The following OSBPL5 variants were observed in gnomAD, a reference collection of about 807,000 sequenced individuals.
OSBPL5 encodes oxysterol binding protein like 5, also known as oxysterol-binding protein-related protein 5.
A neutral mutation model predicts 111.2 loss-of-function variants in OSBPL5; 71 were observed. That is an observed-to-expected ratio of 0.64 (90% confidence interval 0.53 to 0.78). The LOEUF is 0.78. OSBPL5 is among the 30% of genes least tolerant of loss of function. The pLI, the probability that OSBPL5 is intolerant of heterozygous loss-of-function variation, is 0.00. For missense variants in OSBPL5, 1,210 were observed against 1,189.3 expected, an observed-to-expected ratio of 1.02 and a Z score of -0.26; for synonymous variants, 549 against 513.9, an observed-to-expected ratio of 1.07 and a Z score of -0.93.
chr11:3,093,089 G>A, intron 17 of OSBPL5, 37 bp from the exon 18 acceptor site: 1 of 1,485,848 alleles, frequency 6.7e-7, no homozygotes, highest in Non-Finnish European at 9.0e-7. Context: ...CAGTGGCCCG[G>A]GCAGCCCGAC....
intron 1 of OSBPL5, among the ~76,000 whole-genome samples, chr11:3,149,510 C>T (rs532917636): frequency 6.6e-5 from 10 of 152,368 alleles, no homozygotes; most frequent in South Asian, 2.1e-4. Context: ...TTCCCCTGCC[C>T]ATGTGTGCCT....
chr11:3,133,899 A>C (rs1433036770), intron 1 of OSBPL5, among the ~76,000 whole-genome samples: 1 of 151,818 alleles, frequency 6.6e-6, no homozygotes, highest in Non-Finnish European at 1.5e-5. Flanking sequence ...CGAGACCCCA[A>C]GGTCCCCTAA....
chr11:3,091,038 G>T (rs1218937802), intron 19 of OSBPL5, among the ~76,000 whole-genome samples: 1 of 152,224 alleles, frequency 6.6e-6, no homozygotes, highest in Non-Finnish European at 1.5e-5. Flanking sequence ...GCCGAGGGTG[G>T]TTCTGACCCC....
At chr11:3,089,199 C>T (rs1856975270) in intron 21 of OSBPL5, among the ~76,000 whole-genome samples, 1 of 152,204 alleles carries the variant, frequency 6.6e-6, no homozygotes, top group African/African-American at 2.4e-5. Flanking sequence ...AGAGCCCGGG[C>T]CTGTGCCCTG....
chr11:3,111,967 GTGCA>G (rs796874538), intron 7 of OSBPL5, among the ~76,000 whole-genome samples: 1 of 121,750 alleles, frequency 8.2e-6, no homozygotes, highest in African/African-American at 2.9e-5. Flanking sequence ...GTGTGTGTGT[GTGCA>G]TATGTGTGCG....
At position 3,092,435 on chromosome 11, in the gene OSBPL5, G is replaced by A. The variant is rs376315376; in HGVS notation, c.2256C>T (p.His752=). 196 of 1,576,708 alleles carry A rather than the reference G, an allele frequency of 1.2e-4. No homozygotes were observed. Among genetic ancestry groups the A allele is most frequent in the Middle Eastern group, 8.4e-4 (5 of 5,926 alleles). ...TTFLGSPGPR[H]ERSGPDQRLR... Reference sequence around the variant, plus strand: ...GTGGGGCCTGTGGGGTGCTGACCTCGTGCCTGGGCCCTGGGCTGCCCAGGA... The same window carrying A: ...GTGGGGCCTGTGGGGTGCTGACCTCATGCCTGGGCCCTGGGCTGCCCAGGA... The change falls in exon 19 of 22, where the codon CAC becomes CAT. Residue 752 remains histidine (H), a synonymous_variant. Coordinates refer to ENST00000263650, the MANE Select transcript of OSBPL5 (RefSeq NM_020896.4). The surrounding 1 kb of genome is among the most constrained non-coding windows in gnomAD (Gnocchi z 5.4).
intron 11 of OSBPL5, among the ~76,000 whole-genome samples, chr11:3,102,487 C>T (rs893137003): frequency 3.3e-5 from 5 of 152,200 alleles, no homozygotes; most frequent in Non-Finnish European, 7.3e-5. Context: ...TGGGGGACAG[C>T]CTCAGGGGAA....
At chr11:3,152,121 G>C (rs1332070694) in intron 1 of OSBPL5, among the ~76,000 whole-genome samples, 1 of 152,198 alleles carries the variant, frequency 6.6e-6, no homozygotes, top group Non-Finnish European at 1.5e-5. Flanking sequence ...CTCTGCCCCT[G>C]CTCATCTCTC....
At chr11:3,144,112 A>T in intron 1 of OSBPL5, among the ~76,000 whole-genome samples, 1 of 152,110 alleles carries the variant, frequency 6.6e-6, no homozygotes, top group South Asian at 2.1e-4. Context: ...GAGACCAAAC[A>T]CGGGTTTATT....
intron 2 of OSBPL5, among the ~76,000 whole-genome samples, chr11:3,128,447 G>A (rs539958121): frequency 6.6e-6 from 1 of 152,326 alleles, no homozygotes; most frequent in South Asian, 2.1e-4. Flanking sequence ...TGCATAGTTA[G>A]GTGCCAGGGA....
At position 3,129,121 on chromosome 11, in the gene OSBPL5, G is replaced by C; in HGVS notation, c.28C>G (p.Arg10Gly). 1 of 1,493,922 alleles carries C rather than the reference G, an allele frequency of 6.7e-7. No homozygotes were observed. Among genetic ancestry groups the C allele is most frequent in the South Asian group, 1.3e-5 (1 of 77,178 alleles). 92.5% of individuals were successfully genotyped at this position (1,493,922 alleles called of 1,614,324 possible). Reference sequence around the variant, plus strand: ...GAGGAAGGTGGACACAGGGAGAAGCGGCGCCGGAGGAAGGCCTCCTCCTTC... The same window carrying C: ...GAGGAAGGTGGACACAGGGAGAAGCCGCGCCGGAGGAAGGCCTCCTCCTTC... MKEEAFLRRRFSLCPPSSTP... is the reference protein window; with the variant it reads MKEEAFLRRGFSLCPPSSTP... The change falls in exon 2 of 22, where the codon CGC becomes GGC. Residue 10 changes from arginine to glycine, a missense_variant. Arg to Gly is a moderately radical substitution (Grantham distance 125, BLOSUM62 -2). Coordinates refer to ENST00000263650, the MANE Select transcript of OSBPL5 (RefSeq NM_020896.4).
At position 3,094,277 on chromosome 11, in the gene OSBPL5, G is replaced by A. The variant is rs749778631; in HGVS notation, c.1679C>T (p.Ala560Val). The change falls in exon 15 of 22, where the codon GCG (alanine) becomes GTG (valine). Residue 560 changes from alanine to valine, a missense_variant. Coordinates refer to ENST00000263650, the MANE Select transcript of OSBPL5 (RefSeq NM_020896.4). The part of the protein sequence containing the change: ...ELGGKVTIEC[A>V]KNNFQAQLEF... ...CAGCTGGGCCTGGAAGTTGTTCTTC[G>A]CACACTCGATGGTGACCTTCCCACC... 35 of 1,613,460 alleles carry A rather than the reference G, an allele frequency of 2.2e-5. No homozygotes were observed. The South Asian group carries it at 2.4e-4, about 11-fold the overall frequency.
At chr11:3,103,800 GCAGCCCTCTTCC>G (rs1857572724) in intron 10 of OSBPL5, among the ~76,000 whole-genome samples, 5 of 43,098 alleles carry the variant, frequency 1.2e-4, no homozygotes, top group South Asian at 6.7e-4. Flanking sequence ...TCCTGCCTCT[GCAGCCCTCTTCC>G]TGCCTGCGCA....
chr11:3,103,796 CTCT>C (rs1857571551), intron 10 of OSBPL5, among the ~76,000 whole-genome samples: 1 of 86,088 alleles, frequency 1.2e-5, no homozygotes, highest in Non-Finnish European at 2.8e-5. Context: ...CCCTTCCTGC[CTCT>C]GCAGCCCTCT....
At chr11:3,089,990 G>A in intron 20 of OSBPL5, 42 bp from the exon 21 acceptor site, 3 of 1,448,456 alleles carry the variant, frequency 2.1e-6, no homozygotes, top group South Asian at 1.3e-5. Context: ...GAGGGGAGGA[G>A]TGAGGATGAG....
intron 1 of OSBPL5, among the ~76,000 whole-genome samples, chr11:3,153,617 C>G (rs936409388): frequency 6.8e-6 from 1 of 148,086 alleles, no homozygotes. Context: ...CAGGCGCCCA[C>G]CAGAGACAAA....
At chr11:3,103,807 TC>T (rs1857575446) in intron 10 of OSBPL5, among the ~76,000 whole-genome samples, 2 of 44,470 alleles carry the variant, frequency 4.5e-5, no homozygotes, top group Non-Finnish European at 1.2e-4. Flanking sequence ...TCTGCAGCCC[TC>T]TTCCTGCCTG....
rs548765853 is a variant in OSBPL5, at chr11:3,106,794, G to A, written c.1059+469C>T. ...GTTTCCTGCTGCCCATACACTGGGG[G>A]CCCAGAGCCCAGGTCTGTCTCATTC... On this transcript the variant is annotated intron_variant, in intron 9 of 21. Coordinates refer to ENST00000263650, the MANE Select transcript of OSBPL5 (RefSeq NM_020896.4). This position sits in a 1 kb window ranked among gnomAD's most constrained non-coding sequence, Gnocchi z 8.4. Among the ~76,000 whole-genome samples the A allele has an allele frequency of 1.3e-5, 2 of 151,974 alleles. No homozygotes were observed. Among genetic ancestry groups the A allele is most frequent in the Non-Finnish European group, 2.9e-5 (2 of 67,964 alleles).
Position 3,159,487 on chromosome 11 carries a change from T to C in OSBPL5, c.-22+5729A>G, listed in dbSNP as rs1257734327. ...CTGCACTCAGGGACACCATGTACTA[T>C]GGTCCCTGCTCTACAGGTGAGGACA... On this transcript the variant is annotated intron_variant, in intron 1 of 21. Coordinates refer to ENST00000263650, the MANE Select transcript of OSBPL5 (RefSeq NM_020896.4). Among the ~76,000 whole-genome samples the C allele has an allele frequency of 2.6e-5, 4 of 152,166 alleles. No homozygotes were observed. The South Asian group carries it at 6.2e-4, about 24-fold the overall frequency.
Sources: allele counts gnomAD v4.1 joint callset (sites outside exome capture counted in the v4.1 genomes callset), GRCh38; gene constraint gnomAD v4.1.1; non-coding constraint Gnocchi (gnomAD v3.1); transcripts MANE v1.5; gene names NCBI Gene and HGNC (gene_info 2026-07-23, HGNC 2026-07-21).